Variants in MALRD1 observed in about 807,000 individuals in gnomAD.
The protein encoded by MALRD1 is MAM and LDL-receptor class A domain-containing protein 1.
Under a neutral mutation model 242.1 loss-of-function variants are expected in MALRD1, and 247 were observed. The ratio of observed to expected loss-of-function variants is 1.02; its 90% confidence interval spans 0.92 to 1.13. The LOEUF is 1.13. Ranked by LOEUF, MALRD1 falls within the 50% of genes most tolerant of loss-of-function variation. The pLI is 0.00. For missense variants in MALRD1, 2,989 were observed against 2,533.1 expected, an observed-to-expected ratio of 1.18 and a Z score of -3.86; for synonymous variants, 995 against 866.6, an observed-to-expected ratio of 1.15 and a Z score of -2.60.
At chr10:19,583,146 A>C (rs1037509686) in intron 33 of MALRD1, among the ~76,000 whole-genome samples, 19 of 130,482 alleles carry the variant, frequency 1.5e-4, no homozygotes, top group African/African-American at 5.4e-4. Flanking sequence ...GGTTTTCTAG[A>C]TATACAATCA....
In MALRD1 at chr10:19,068,237, G is replaced by T. The variant is rs1835038878; in HGVS notation, c.340+1378G>T. Among the ~76,000 whole-genome samples, 5 of 151,992 alleles carry T rather than the reference G, an allele frequency of 3.3e-5. No individual in the cohort carries two copies. In the South Asian group the frequency reaches 1.0e-3, roughly 32 times the overall value. On this transcript the variant is annotated intron_variant, in intron 2 of 39. Coordinates refer to ENST00000454679, the MANE Select transcript of MALRD1 (RefSeq NM_001142308.3). ...TCCTCTTGCTTGCCTCCTTACTGTG[G>T]AGTTAAATAGCTTCAGAAGACACTG... is the stretch of plus-strand genomic sequence containing the variant.
chr10:19,134,055 G>C, intron 9 of MALRD1, 107 bp downstream of exon 9: 1 of 442,284 alleles, frequency 2.3e-6, no homozygotes, highest in Admixed American at 4.5e-5. Flanking sequence ...TTAAGTTAGG[G>C]ATGCGTGCTT....
At chr10:19,427,884 C>T (rs1309059670) in intron 28 of MALRD1, among the ~76,000 whole-genome samples, 2 of 152,128 alleles carry the variant, frequency 1.3e-5, no homozygotes, top group African/African-American at 4.8e-5. Context: ...AGATTTAAGA[C>T]ATGGAATTTG....
At chr10:19,462,768 AACTGC>A (rs1836009575) in intron 29 of MALRD1, among the ~76,000 whole-genome samples, 1 of 152,232 alleles carries the variant, frequency 6.6e-6, no homozygotes, top group Non-Finnish European at 1.5e-5. Flanking sequence ...AAAAGTAATG[AACTGC>A]ACTAGAGCAG....
intron 12 of MALRD1, among the ~76,000 whole-genome samples, chr10:19,161,912 C>A (rs983893112): frequency 2.0e-5 from 3 of 152,100 alleles, no homozygotes; most frequent in Non-Finnish European, 4.4e-5. Flanking sequence ...CCTGTAGTCC[C>A]AGCTACTCTG....
intron 38 of MALRD1, among the ~76,000 whole-genome samples, chr10:19,723,136 C>T (rs999587599): frequency 1.3e-5 from 2 of 152,116 alleles, no homozygotes; most frequent in African/African-American, 4.8e-5. Flanking sequence ...AGGATATTGT[C>T]TGACATCTTA....
Position 19,192,347 on chromosome 10 carries a change from A to G in MALRD1, c.1952-11381A>G, listed in dbSNP as rs1836016516. Among the ~76,000 whole-genome samples the G allele has an allele frequency of 2.0e-5, 3 of 152,220 alleles. No individual in the cohort carries two copies. In the South Asian group the frequency reaches 6.2e-4, roughly 31 times the overall value. On this transcript the variant is annotated intron_variant, in intron 14 of 39. Coordinates refer to ENST00000454679, the MANE Select transcript of MALRD1 (RefSeq NM_001142308.3). ...TTTAGATAATAATACATTTTATGTT[A>G]TGTGTATTTTATCACAATAAAGAAA...
chr10:19,269,216 C>T (rs1167962235), intron 19 of MALRD1, among the ~76,000 whole-genome samples: 1 of 152,048 alleles, frequency 6.6e-6, no homozygotes, highest in African/African-American at 2.4e-5. Flanking sequence ...AACCTTAATC[C>T]CCATTGAGAT....
intron 31 of MALRD1, among the ~76,000 whole-genome samples, chr10:19,529,534 GA>G: frequency 1.7e-5 from 1 of 57,490 alleles, no homozygotes; most frequent in South Asian, 7.3e-4. Context: ...AGAGAAGACA[GA>G]AAAAAACAGG....
chr10:19,159,744 C>T (rs1834317111), intron 12 of MALRD1, among the ~76,000 whole-genome samples: 1 of 152,098 alleles, frequency 6.6e-6, no homozygotes, highest in Admixed American at 6.6e-5. Flanking sequence ...AGCCCAAGGT[C>T]CCAGAGGCAC....
chr10:19,692,271 C>T lies in MALRD1; in HGVS notation c.6138-11C>T, dbSNP rs1178804461. Reference sequence around the variant, plus strand: ...CTTTTTTCCAACTATTTTATTTTATCTCCTTTCCAGATGTAGACAAGGCTG... The same window carrying T: ...CTTTTTTCCAACTATTTTATTTTATTTCCTTTCCAGATGTAGACAAGGCTG... On this transcript the variant is annotated splice_polypyrimidine_tract_variant and intron_variant, in intron 36 of 39. Transcript: ENST00000454679. 1 of 1,525,802 alleles carries T rather than the reference C, an allele frequency of 6.6e-7. No homozygotes were observed. The highest frequency in any genetic ancestry group is 1.4e-5 in the African/African-American group (1 of 72,698). The allele number at this position is 1,525,802 out of a possible 1,614,324, so 94.5% of individuals were successfully genotyped here.
chr10:19,130,524 T>A (rs545615952), intron 8 of MALRD1, among the ~76,000 whole-genome samples: 67 of 152,298 alleles, frequency 4.4e-4, no homozygotes, highest in African/African-American at 1.5e-3. Context: ...GAAAATTGAA[T>A]GAATTTTTAG....
chr10:19,147,323 G>A (rs1833758277), intron 11 of MALRD1, among the ~76,000 whole-genome samples: 3 of 152,154 alleles, frequency 2.0e-5, no homozygotes, highest in South Asian at 2.1e-4. Context: ...GTGGTAGTGG[G>A]TGAGAGTGCT....
At chr10:19,174,310 G>T (rs1348950709) in intron 13 of MALRD1, among the ~76,000 whole-genome samples, 1 of 152,134 alleles carries the variant, frequency 6.6e-6, no homozygotes, top group African/African-American at 2.4e-5. Context: ...AGAGGGGAAG[G>T]CAGAGAGGGA....
chr10:19,200,645 GTTTTTTTTTTT>G (rs71387053), intron 14 of MALRD1, among the ~76,000 whole-genome samples: 1 of 69,450 alleles, frequency 1.4e-5, no homozygotes, highest in East Asian at 6.9e-4. Flanking sequence ...CCTGCTTGAG[GTTTTTTTTTTT>G]TTTTTTTTTT....
At chr10:19,313,687 A>T (rs1842523097) in intron 21 of MALRD1, among the ~76,000 whole-genome samples, 1 of 151,654 alleles carries the variant, frequency 6.6e-6, no homozygotes, top group Admixed American at 6.6e-5. Context: ...TGAGACTCTT[A>T]GAGTCCTATT....
At chr10:19,491,235 TG>T in intron 29 of MALRD1, 1 of 652,826 alleles carries the variant, frequency 1.5e-6, no homozygotes, top group Non-Finnish European at 2.6e-6. Flanking sequence ...CAGGTAGTTG[TG>T]GGCCACAAAT....
chr10:19,392,852 G>A (rs145895507), intron 28 of MALRD1, among the ~76,000 whole-genome samples: 6 of 152,202 alleles, frequency 3.9e-5, no homozygotes, highest in Middle Eastern at 3.4e-3. Context: ...TTTGGTATGC[G>A]ATCAGAGGGT....
chr10:19,689,880 C>T lies in MALRD1; in HGVS notation c.6138-2402C>T, dbSNP rs1012715448. Among the ~76,000 whole-genome samples the T allele has an allele frequency of 3.3e-5, 5 of 152,168 alleles. No homozygotes were observed. The East Asian group carries it at 5.8e-4, about 18-fold the overall frequency. On this transcript the variant is annotated intron_variant, in intron 36 of 39. Transcript: ENST00000454679. ...AAGCAGCACCATATCCATTTATAATCAGACTTACTGACTAAAATTTTTGGA... is the reference window on the plus strand; with the variant it reads ...AAGCAGCACCATATCCATTTATAATTAGACTTACTGACTAAAATTTTTGGA...
Sources: allele counts gnomAD v4.1 joint callset (sites outside exome capture counted in the v4.1 genomes callset), GRCh38; gene constraint gnomAD v4.1.1; transcripts MANE v1.5; gene names NCBI Gene and HGNC (gene_info 2026-07-23, HGNC 2026-07-21).